The following FBXO42 variants were observed in gnomAD, a reference collection of about 807,000 sequenced individuals.
The protein encoded by FBXO42 is F-box protein 42.
Under a neutral mutation model 71.7 loss-of-function variants are expected in FBXO42, and 12 were observed. The observed-to-expected ratio is 0.17, with a 90% CI of 0.11 to 0.27. The LOEUF (loss-of-function observed/expected upper bound fraction) is 0.27, where lower values mean the gene tolerates loss of function less well. Ranked by LOEUF, FBXO42 falls within the 10% of genes least tolerant of loss-of-function variation. The probability of loss-of-function intolerance (pLI) is 1.00; values close to 1 mark genes in which losing one functional copy is unlikely to be tolerated. For synonymous variants in FBXO42, 325 were observed against 327.5 expected (o/e 0.99, Z 0.08); for missense variants, 707 against 911.9 (o/e 0.78, Z 2.89).
chr1:16,263,765 A>G (rs2100455085), intron 4 of FBXO42, among the ~76,000 whole-genome samples: 1 of 151,188 alleles, frequency 6.6e-6, no homozygotes, highest in Non-Finnish European at 1.5e-5. Context: ...AAAAAACAAA[A>G]CAAAACAAAA....
At chr1:16,348,350 A>G (rs2082670725) in intron 1 of FBXO42, among the ~76,000 whole-genome samples, 1 of 151,710 alleles carries the variant, frequency 6.6e-6, no homozygotes, top group South Asian at 2.1e-4. Context: ...ACTGGGATAC[A>G]GAAGTTCAAT....
At chr1:16,315,045 T>C (rs2082350547) in intron 2 of FBXO42, 124 bp downstream of exon 2, 1 of 1,038,048 alleles carries the variant, frequency 9.6e-7, no homozygotes, top group Non-Finnish European at 1.4e-6. Context: ...CCGGGTAGTA[T>C]CGTCTAATGC....
intron 1 of FBXO42, among the ~76,000 whole-genome samples, chr1:16,344,268 G>A (rs1358893830): frequency 1.3e-5 from 2 of 151,530 alleles, no homozygotes; most frequent in African/African-American, 4.8e-5. Context: ...AAAGTGCTGG[G>A]ATTACTTTAA....
chr1:16,328,222 G>C (rs2082467247), intron 1 of FBXO42, among the ~76,000 whole-genome samples: 1 of 152,114 alleles, frequency 6.6e-6, no homozygotes, highest in East Asian at 1.9e-4. Flanking sequence ...CCTAGATTAT[G>C]ATAAAACAAT....
intron 4 of FBXO42, among the ~76,000 whole-genome samples, chr1:16,286,788 A>G (rs2082026423): frequency 6.6e-6 from 1 of 152,168 alleles, no homozygotes; most frequent in African/African-American, 2.4e-5. Flanking sequence ...TCCCCATCTC[A>G]GTTAATGAAA....
At chr1:16,274,350 G>A (rs184516861) in intron 4 of FBXO42, among the ~76,000 whole-genome samples, 1 of 151,864 alleles carries the variant, frequency 6.6e-6, no homozygotes, top group East Asian at 1.9e-4. Context: ...AAAAAGAACA[G>A]AACAAAGCCA....
intron 1 of FBXO42, among the ~76,000 whole-genome samples, chr1:16,345,956 T>G (rs957444679): frequency 1.3e-5 from 2 of 150,020 alleles, no homozygotes; most frequent in African/African-American, 4.9e-5. Context: ...TGACAAAAAA[T>G]AAGGAAGCAC....
intron 1 of FBXO42, among the ~76,000 whole-genome samples, chr1:16,325,388 A>C (rs1203029709): frequency 6.6e-6 from 1 of 152,168 alleles, no homozygotes; most frequent in Non-Finnish European, 1.5e-5. Flanking sequence ...CTTATTATTG[A>C]CAGTCTATGT....
intron 4 of FBXO42, among the ~76,000 whole-genome samples, chr1:16,270,712 A>AAGG (rs2081832194): frequency 8.1e-6 from 1 of 122,922 alleles, no homozygotes; most frequent in African/African-American, 3.0e-5. Context: ...GAAAAGAAAG[A>AAGG]AGAAAAGATA....
chr1:16,300,712 T>G (rs984688973), intron 3 of FBXO42, among the ~76,000 whole-genome samples: 3 of 152,114 alleles, frequency 2.0e-5, no homozygotes, highest in African/African-American at 7.2e-5. Context: ...TGCAGGAGCA[T>G]GATGAGCATT....
chr1:16,255,337 C>CTT (rs35405854), intron 6 of FBXO42, among the ~76,000 whole-genome samples: 9 of 144,882 alleles, frequency 6.2e-5, no homozygotes, highest in Admixed American at 1.4e-4. Flanking sequence ...CCCTAACTTA[C>CTT]TTTTTTTTTT....
At chr1:16,270,674 C>CAAAAAAAAAAAAAAAAAAA (rs34861558) in intron 4 of FBXO42, among the ~76,000 whole-genome samples, 1 of 14,906 alleles carries the variant, frequency 6.7e-5, no homozygotes, top group African/African-American at 2.2e-4. Flanking sequence ...CTCTGTCTCT[C>CAAAAAAAAAAAAAAAAAAA]AAAAAAAAAA....
At position 16,268,808 on chromosome 1, in the gene FBXO42, G is replaced by A. The variant is rs540050329; in HGVS notation, c.503-12049C>T. 1.6e-4 allele frequency among the ~76,000 whole-genome samples: 24 copies of A among 151,822 alleles called. No homozygotes were observed. The East Asian group carries it at 4.0e-3, about 25-fold the overall frequency. On this transcript the variant is annotated intron_variant, in intron 4 of 9. Coordinates refer to ENST00000375592, the MANE Select transcript of FBXO42 (RefSeq NM_018994.3). ...GAGAAACCCCGTCTCTACTAAAAAC[G>A]AACAAACAAACGAACAAAAAAACAA...
intron 1 of FBXO42, among the ~76,000 whole-genome samples, chr1:16,351,633 C>A (rs1053454473): frequency 6.6e-6 from 1 of 152,172 alleles, no homozygotes; most frequent in African/African-American, 2.4e-5. Context: ...TTCGTTCCCA[C>A]CCTCCACCGT....
intron 1 of FBXO42, among the ~76,000 whole-genome samples, chr1:16,326,638 C>G (rs1046232374): frequency 6.8e-6 from 1 of 146,586 alleles, no homozygotes; most frequent in Non-Finnish European, 1.5e-5. Context: ...GAGCCAAGAT[C>G]ACACCACTGT....
At chr1:16,318,239 T>C (rs1399627058) in intron 1 of FBXO42, among the ~76,000 whole-genome samples, 3 of 152,062 alleles carry the variant, frequency 2.0e-5, no homozygotes, top group African/African-American at 7.2e-5. Context: ...GCCAGCATGG[T>C]GAAACCCGTC....
At chr1:16,254,179 G>A (rs780452580) in intron 6 of FBXO42, among the ~76,000 whole-genome samples, 6 of 152,228 alleles carry the variant, frequency 3.9e-5, no homozygotes, top group Admixed American at 6.5e-5. Flanking sequence ...TCTGAGCCAC[G>A]TCTGCGGCCA....
intron 3 of FBXO42, among the ~76,000 whole-genome samples, chr1:16,300,309 C>CTAATCA (rs763942405): frequency 1.1e-4 from 16 of 152,204 alleles, no homozygotes; most frequent in Non-Finnish European, 2.1e-4. Flanking sequence ...ACGACACATA[C>CTAATCA]TAATCATCCC....
Position 16,337,657 on chromosome 1 carries a change from C to T in FBXO42, c.-18+14598G>A, listed in dbSNP as rs565973251. 7.3e-5 allele frequency among the ~76,000 whole-genome samples: 11 copies of T among 149,804 alleles called. No individual in the cohort carries two copies. In the East Asian group the frequency reaches 1.0e-3, roughly 14 times the overall value. On this transcript the variant is annotated intron_variant, in intron 1 of 9. Transcript: ENST00000375592. ...TAGCACTTTGGGAGGCCAAGGTGGG[C>T]GGATCACCTGAGGTCAGGAGTTCAA...
Sources: allele counts gnomAD v4.1 joint callset (sites outside exome capture counted in the v4.1 genomes callset), GRCh38; gene constraint gnomAD v4.1.1; transcripts MANE v1.5; gene names NCBI Gene and HGNC (gene_info 2026-07-23, HGNC 2026-07-21).